Variants in TSPAN15 observed in about 807,000 individuals in gnomAD.
The protein encoded by TSPAN15 is tetraspanin 15.
A neutral mutation model predicts 34.5 loss-of-function variants in TSPAN15; 20 were observed. That is an observed-to-expected ratio of 0.58 (90% CI 0.41 to 0.84). TSPAN15 has a LOEUF of 0.84. Among genes scored for constraint, TSPAN15 ranks in the 40% least tolerant of loss-of-function variants. The pLI, the probability that TSPAN15 is intolerant of heterozygous loss-of-function variation, is 0.00. For synonymous variants in TSPAN15, 155 were observed against 153.9 expected, an observed-to-expected ratio of 1.01 and a Z score of -0.05; for missense variants, 313 against 386.1, an observed-to-expected ratio of 0.81 and a Z score of 1.59.
At chr10:69,459,157 T>A (rs1369303495) in intron 1 of TSPAN15, among the ~76,000 whole-genome samples, 2 of 149,974 alleles carry the variant, frequency 1.3e-5, no homozygotes, top group African/African-American at 4.9e-5. Flanking sequence ...CAGAGAGAAC[T>A]TTTAGATGTG....
At chr10:69,473,910 G>A (rs1388067647) in intron 1 of TSPAN15, among the ~76,000 whole-genome samples, 2 of 152,128 alleles carry the variant, frequency 1.3e-5, no homozygotes, top group African/African-American at 4.8e-5. Flanking sequence ...TGCAAAGGGG[G>A]AAAGAATAAA....
chr10:69,493,835 G>A (rs1415662665), intron 3 of TSPAN15, among the ~76,000 whole-genome samples: 1 of 151,378 alleles, frequency 6.6e-6, no homozygotes, highest in Non-Finnish European at 1.5e-5. Flanking sequence ...GGCTGGTCTC[G>A]AACTCCTGAC....
the TSPAN15 span, among the ~76,000 whole-genome samples, chr10:69,548,175 A>G: frequency 3.3e-5 from 5 of 152,212 alleles, no homozygotes; most frequent in African/African-American, 9.6e-5. Flanking sequence ...GGGGCAGACA[A>G]ACACAAAAAA....
chr10:69,499,101 T>C lies in TSPAN15; in HGVS notation c.570+705T>C, dbSNP rs201156998. ...TGGTCATTTGGGATGATGTCTTGTGTTGTCAGCGCTTAAGTGAAAGGCTTC... is the reference window on the plus strand; with the variant it reads ...TGGTCATTTGGGATGATGTCTTGTGCTGTCAGCGCTTAAGTGAAAGGCTTC... On this transcript the variant is annotated intron_variant, in intron 5 of 7. Coordinates refer to ENST00000373290, the MANE Select transcript of TSPAN15 (RefSeq NM_012339.5). Among the ~76,000 whole-genome samples, 4 of 152,208 alleles carry C rather than the reference T, an allele frequency of 2.6e-5. No individual in the cohort carries two copies. The East Asian group carries it at 5.8e-4, about 22-fold the overall frequency.
At chr10:69,530,806 CTCTCTCTCTCTCTCTATATATA>C in the TSPAN15 span, among the ~76,000 whole-genome samples, 66 of 69,044 alleles carry the variant, frequency 9.6e-4, no homozygotes, top group Non-Finnish European at 1.5e-3. Flanking sequence ...CTCTCTCTCT[CTCTCTCTCTCTCTCTATATATA>C]TATATATATA....
intron 3 of TSPAN15, among the ~76,000 whole-genome samples, chr10:69,486,162 T>C (rs7911961): frequency 0.049 from 7,482 of 152,252 alleles, 294 homozygotes; most frequent in Middle Eastern, 0.14. Flanking sequence ...TGGCACATAG[T>C]GGTCAAGGCC....
At chr10:69,494,220 A>T (rs1842029560) in intron 3 of TSPAN15, among the ~76,000 whole-genome samples, 1 of 152,206 alleles carries the variant, frequency 6.6e-6, no homozygotes, top group African/African-American at 2.4e-5. Flanking sequence ...CATTGCAGTC[A>T]GTTTTTTGAA....
Position 69,507,176 on chromosome 10 carries a change from T to C in TSPAN15, c.*198T>C. 7.0e-7 allele frequency: 1 copy of C among 1,420,362 alleles called. No homozygotes were observed. The highest frequency in any genetic ancestry group is 3.1e-5 in the Admixed American group (1 of 32,750). 88.0% of individuals were successfully genotyped at this position (1,420,362 alleles called of 1,614,324 possible). A position where few individuals can be genotyped will look rare whatever the true frequency, so the allele number is the denominator to read the frequency against. Reference sequence around the variant, plus strand: ...GAGCCTGGGCCTCCCCTAAGAGGCTTTCCCCGAGGCAGCTCTGGAATCTGT... The same window carrying C: ...GAGCCTGGGCCTCCCCTAAGAGGCTCTCCCCGAGGCAGCTCTGGAATCTGT... On this transcript the variant is annotated 3_prime_UTR_variant, in exon 8 of 8. Transcript: ENST00000373290.
At chr10:69,546,936 G>T in the TSPAN15 span, among the ~76,000 whole-genome samples, 1 of 151,626 alleles carries the variant, frequency 6.6e-6, no homozygotes, top group Admixed American at 6.6e-5. Flanking sequence ...ATGAGGTCAG[G>T]AGTTCAAAAC....
chr10:69,507,907 A>C (rs922487954), downstream of TSPAN15, among the ~76,000 whole-genome samples: 3 of 151,542 alleles, frequency 2.0e-5, no homozygotes, highest in African/African-American at 7.3e-5. Context: ...CTCCACCTCC[A>C]GGAAATGGGG....
chr10:69,522,745 C>T, the TSPAN15 span, among the ~76,000 whole-genome samples: 1 of 147,636 alleles, frequency 6.8e-6, no homozygotes, highest in East Asian at 2.5e-4. Context: ...CATTCCGAAA[C>T]CATCCCCTTC....
chr10:69,543,252 AGG>A, the TSPAN15 span, among the ~76,000 whole-genome samples: 1 of 152,054 alleles, frequency 6.6e-6, no homozygotes, highest in Admixed American at 6.5e-5. Context: ...GTGATTCCAA[AGG>A]GGGGTAAGAC....
the TSPAN15 span, among the ~76,000 whole-genome samples, chr10:69,521,281 A>AAGT: frequency 2.7e-5 from 4 of 150,614 alleles, no homozygotes; most frequent in Admixed American, 6.7e-5. Flanking sequence ...AGGCTGAGGC[A>AAGT]GGCAGATCAT....
At chr10:69,473,774 C>T (rs1235408879) in intron 1 of TSPAN15, among the ~76,000 whole-genome samples, 1 of 152,042 alleles carries the variant, frequency 6.6e-6, no homozygotes, top group Admixed American at 6.6e-5. Flanking sequence ...AGACATGAGC[C>T]CTTGGACTGG....
In TSPAN15 at chr10:69,484,823, G is replaced by A. The variant is rs117611272; in HGVS notation, c.283-318G>A. On this transcript the variant is annotated intron_variant, in intron 2 of 7. Transcript: ENST00000373290. The stretch of plus-strand genomic sequence containing the variant: ...CTAGCCCCTCTGGCTCAGTGGCAAC[G>A]AGGCCCAGCTCTCCTTATGGTGGTG... Among the ~76,000 whole-genome samples, 214 of 152,270 alleles carry A rather than the reference G, an allele frequency of 1.4e-3. 5 individuals are homozygous for A. The East Asian group carries it at 0.029, about 21-fold the overall frequency.
At chr10:69,545,880 C>T in the TSPAN15 span, among the ~76,000 whole-genome samples, 1,733 of 152,194 alleles carry the variant, frequency 0.011, 31 homozygotes, top group African/African-American at 0.04. Context: ...TTCTTGAACC[C>T]GGGAGGCCAA....
the TSPAN15 span, among the ~76,000 whole-genome samples, chr10:69,548,696 T>A: frequency 2.6e-5 from 4 of 152,060 alleles, no homozygotes; most frequent in South Asian, 8.3e-4. Context: ...ACAGAGAAAG[T>A]TTCAGAAACA....
At chr10:69,537,865 A>G in the TSPAN15 span, among the ~76,000 whole-genome samples, 1 of 152,314 alleles carries the variant, frequency 6.6e-6, no homozygotes, top group Non-Finnish European at 1.5e-5. Context: ...GAATTGTCTT[A>G]GTTCAGGCTG....
chr10:69,451,955 C>G (rs1247726988), intron 1 of TSPAN15, among the ~76,000 whole-genome samples: 2 of 152,244 alleles, frequency 1.3e-5, no homozygotes, highest in African/African-American at 4.8e-5. Flanking sequence ...GCGGTTTGCC[C>G]GCTGTGCGTC....
Sources: gnomAD v4.1 joint callset for allele counts (sites outside exome capture counted in the v4.1 genomes callset) on GRCh38, gnomAD v4.1.1 for gene constraint, MANE v1.5 for transcripts, NCBI Gene and HGNC (gene_info 2026-07-23, HGNC 2026-07-21) for gene names.